The following TMEM72 variants were observed in gnomAD, a reference collection of about 807,000 sequenced individuals.
TMEM72 encodes transmembrane protein 72, also known as kidney-specific secretory protein of 37 kDa.
A neutral mutation model predicts 16.3 loss-of-function variants in TMEM72; 9 were observed. That is an observed-to-expected ratio of 0.55 (90% CI 0.33 to 0.96). The LOEUF is 0.96. Among genes scored for constraint, TMEM72 ranks in the 40% least tolerant of loss-of-function variants. The probability of loss-of-function intolerance (pLI) is 0.03; values close to 1 mark genes in which losing one functional copy is unlikely to be tolerated. For synonymous variants in TMEM72, 160 were observed against 146.5 expected (o/e 1.09, Z -0.66); for missense variants, 324 against 337.8 (o/e 0.96, Z 0.32).
At chr10:44,928,750 C>T (rs945957721) in intron 2 of TMEM72, among the ~76,000 whole-genome samples, 1 of 117,490 alleles carries the variant, frequency 8.5e-6, no homozygotes, top group African/African-American at 3.4e-5. Context: ...ACCCACCCAT[C>T]TATCTATCTA....
intron 2 of TMEM72, among the ~76,000 whole-genome samples, chr10:44,929,266 C>T (rs1487702533): frequency 6.6e-6 from 1 of 152,242 alleles, no homozygotes; most frequent in African/African-American, 2.4e-5. Flanking sequence ...ACCTGGGTCT[C>T]TGCCCCAGCA....
intron 1 of TMEM72, among the ~76,000 whole-genome samples, chr10:44,926,558 G>T (rs534682908): frequency 6.6e-6 from 1 of 152,286 alleles, no homozygotes; most frequent in East Asian, 1.9e-4. Context: ...ATCTGTCCTC[G>T]CCCCAGGTGA....
Position 44,915,494 on chromosome 10 carries a change from G to C in TMEM72, c.70+3912G>C, listed in dbSNP as rs117446414. Among the ~76,000 whole-genome samples, 997 of 152,128 alleles carry C rather than the reference G, an allele frequency of 6.6e-3. 1 individual carries two copies. The highest frequency in any genetic ancestry group is 0.011 in the Non-Finnish European group (732 of 67,998). On this transcript the variant is annotated intron_variant, in intron 1 of 4. Coordinates refer to ENST00000389583, the MANE Select transcript of TMEM72 (RefSeq NM_001123376.3). The stretch of plus-strand genomic sequence containing the variant: ...AGAAGACAAAGTTCCACCTGATGAT[G>C]GTCTGCTCCTGAGACTCCACTCCTA...
At chr10:44,929,673 C>A (rs892588961) in intron 2 of TMEM72, among the ~76,000 whole-genome samples, 1 of 152,270 alleles carries the variant, frequency 6.6e-6, no homozygotes, top group African/African-American at 2.4e-5. Context: ...CTTCCACCAC[C>A]TCTGGTCCAC....
At chr10:44,913,214 C>G (rs1839962752) in intron 1 of TMEM72, among the ~76,000 whole-genome samples, 1 of 152,164 alleles carries the variant, frequency 6.6e-6, no homozygotes, top group Admixed American at 6.5e-5. Context: ...GTTTCCATGT[C>G]TGTTGATCTG....
intron 1 of TMEM72, among the ~76,000 whole-genome samples, chr10:44,915,419 G>A (rs1839999341): frequency 6.6e-6 from 1 of 151,540 alleles, no homozygotes; most frequent in South Asian, 2.1e-4. Flanking sequence ...AAGGGAAACC[G>A]AGGCCTGATG....
chr10:44,912,956 C>T (rs896542984), intron 1 of TMEM72, among the ~76,000 whole-genome samples: 3 of 152,180 alleles, frequency 2.0e-5, no homozygotes, highest in Non-Finnish European at 4.4e-5. Context: ...GGACAGCCAG[C>T]CCGGAGCCCT....
chr10:44,934,270 AG>A (rs1840354916), intron 4 of TMEM72, among the ~76,000 whole-genome samples: 1 of 152,206 alleles, frequency 6.6e-6, no homozygotes, highest in Admixed American at 6.5e-5. Flanking sequence ...CAGAGAACCC[AG>A]GATTTCTTGC....
At chr10:44,923,170 T>G (rs1455401108) in intron 1 of TMEM72, 1 of 152,456 alleles carries the variant, frequency 6.6e-6, no homozygotes, top group Non-Finnish European at 1.5e-5. Context: ...ATCTGGTGCT[T>G]TGGTTCTGAT....
intron 3 of TMEM72, among the ~76,000 whole-genome samples, chr10:44,932,793 C>G (rs975419470): frequency 6.6e-6 from 1 of 152,220 alleles, no homozygotes; most frequent in Non-Finnish European, 1.5e-5. Context: ...GAAACTTCAG[C>G]TGGGGAGAAG....
Position 44,932,053 on chromosome 10 carries a change from C to T in TMEM72, c.193C>T (p.Leu65=), listed in dbSNP as rs771857616. The part of the protein sequence containing the change: ...CEGAYFVAQL[L]AICFQCQPGS... ...AGGGGCCTACTTTGTGGCTCAGCTGCTGGCCATCTGCTTCCAGTAAGTAGT... is the reference window on the plus strand; with the variant it reads ...AGGGGCCTACTTTGTGGCTCAGCTGTTGGCCATCTGCTTCCAGTAAGTAGT... Residue 65 remains leucine (L), a synonymous_variant, in exon 3 of 5, where the codon CTG becomes TTG. Transcript: ENST00000389583. 3 of 1,613,190 alleles carry T rather than the reference C, an allele frequency of 1.9e-6. No homozygotes were observed. In the South Asian group the frequency reaches 3.3e-5, roughly 18 times the overall value.
At chr10:44,928,168 A>G (rs1840230554) in intron 2 of TMEM72, among the ~76,000 whole-genome samples, 181 bp downstream of exon 2, 1 of 152,024 alleles carries the variant, frequency 6.6e-6, no homozygotes, top group Non-Finnish European at 1.5e-5. Flanking sequence ...CATCCCATAA[A>G]TCAATGAATT....
chr10:44,916,546 C>T (rs1333651245), intron 1 of TMEM72, among the ~76,000 whole-genome samples: 1 of 152,122 alleles, frequency 6.6e-6, no homozygotes, highest in Non-Finnish European at 1.5e-5. Flanking sequence ...CATCTTGGGC[C>T]CTCCATGCTA....
rs181122759 is a variant in TMEM72 at position 44,912,996 on chromosome 10, T to C, written c.70+1414T>C. On this transcript the variant is annotated intron_variant, in intron 1 of 4. Coordinates refer to ENST00000389583, the MANE Select transcript of TMEM72 (RefSeq NM_001123376.3). ...CTTCAACTTTCACAAAGGCCAGGGC[T>C]CTGGCCAAAACCTTCCCTGTCTTCC... 9.2e-5 allele frequency among the ~76,000 whole-genome samples: 14 copies of C among 152,260 alleles called. No homozygotes were observed. In the East Asian group the frequency reaches 2.7e-3, roughly 29 times the overall value.
intron 1 of TMEM72, among the ~76,000 whole-genome samples, chr10:44,912,196 T>C (rs114864494): frequency 7.2e-5 from 11 of 152,152 alleles, no homozygotes; most frequent in African/African-American, 1.7e-4. Context: ...GCAGCAGAGA[T>C]GCTTCCCAGA....
rs772134217 is a variant in TMEM72, at chr10:44,934,792, TG to T, written c.490del (p.Asp164ThrfsTer23). ...SSSAVSTTGSGDTEQTYTFHG... is the reference protein window; with the variant it reads ...SSSAVSTTGSXDTEQTYTFHG... ...GCAGCGCTGTGAGCACCACCGGCTC[TG>T]GGGACACAGAGCAAACCTACACTTT... is the stretch of plus-strand genomic sequence containing the variant. On this transcript the variant is annotated frameshift_variant, in exon 5 of 5. Transcript: ENST00000389583. LOFTEE classifies it low-confidence loss of function (END_TRUNC). 6.2e-7 allele frequency: 1 copy of T among 1,613,622 alleles called. No homozygotes were observed. The highest frequency in any genetic ancestry group is 8.5e-7 in the Non-Finnish European group (1 of 1,179,986).
chr10:44,925,974 C>G (rs1374917970), intron 1 of TMEM72, among the ~76,000 whole-genome samples: 1 of 151,762 alleles, frequency 6.6e-6, no homozygotes, highest in East Asian at 1.9e-4. Flanking sequence ...CATATATGCA[C>G]ATATATACTC....
At chr10:44,926,734 G>A (rs1407510022) in intron 1 of TMEM72, among the ~76,000 whole-genome samples, 1 of 152,266 alleles carries the variant, frequency 6.6e-6, no homozygotes, top group East Asian at 1.9e-4. Flanking sequence ...CTTCTCACCT[G>A]CCTAGATCCA....
chr10:44,929,591 T>A (rs760820914), intron 2 of TMEM72, among the ~76,000 whole-genome samples: 4 of 152,246 alleles, frequency 2.6e-5, no homozygotes, highest in Non-Finnish European at 5.9e-5. Flanking sequence ...ATCTCCCAGA[T>A]GCGGTTCAGC....
Sources: gnomAD v4.1 joint callset for allele counts (sites outside exome capture counted in the v4.1 genomes callset) on GRCh38, gnomAD v4.1.1 for gene constraint, MANE v1.5 for transcripts, NCBI Gene and HGNC (gene_info 2026-07-23, HGNC 2026-07-21) for gene names.